The following CIMIP5 variants were observed in gnomAD, a reference collection of about 807,000 sequenced individuals.
CIMIP5 encodes ciliary microtubule inner protein 5.
At chr2:11,140,887 T>C in the CIMIP5 span, among the ~76,000 whole-genome samples, 2 of 152,110 alleles carry the variant, frequency 1.3e-5, no homozygotes, top group Admixed American at 6.6e-5. Flanking sequence ...GACAATGAGA[T>C]TGGGTAAAAA....
At chr2:11,145,432 C>T in the CIMIP5 span, 1 of 152,254 alleles carries the variant, frequency 6.6e-6, no homozygotes, top group African/African-American at 2.4e-5. Context: ...CTTCCTCCAC[C>T]TTTTAAGGAC....
At chr2:11,144,416 A>G in the CIMIP5 span, 1 of 213,514 alleles carries the variant, frequency 4.7e-6, no homozygotes, top group East Asian at 9.6e-5. Flanking sequence ...CCTGGGTTCA[A>G]ATCCAGCTTG....
At chr2:11,150,704 A>G in the CIMIP5 span, among the ~76,000 whole-genome samples, 1 of 151,784 alleles carries the variant, frequency 6.6e-6, no homozygotes, top group East Asian at 1.9e-4. Context: ...TCAACTCCAA[A>G]ATCACTAAGC....
At chr2:11,136,203 A>G in the CIMIP5 span, among the ~76,000 whole-genome samples, 45 of 152,332 alleles carry the variant, frequency 3.0e-4, no homozygotes, top group Admixed American at 1.2e-3. Context: ...AATAATTGCC[A>G]AGACCAATGT....
the CIMIP5 span, among the ~76,000 whole-genome samples, chr2:11,134,899 G>A: frequency 3.3e-5 from 5 of 152,180 alleles, no homozygotes; most frequent in South Asian, 2.1e-4. Flanking sequence ...CAGGCTGTAC[G>A]AGCATAGTCC....
chr2:11,149,797 C>T, the CIMIP5 span, among the ~76,000 whole-genome samples: 1 of 151,940 alleles, frequency 6.6e-6, no homozygotes. Flanking sequence ...GTGATTCAGC[C>T]CGTGATCCTT....
At chr2:11,142,685 G>A in the CIMIP5 span, among the ~76,000 whole-genome samples, 1 of 151,020 alleles carries the variant, frequency 6.6e-6, no homozygotes, top group Non-Finnish European at 1.5e-5. Flanking sequence ...GGGGCAGGAA[G>A]AGCTGAGGAT....
chr2:11,151,823 G>A, the CIMIP5 span, among the ~76,000 whole-genome samples: 1 of 152,212 alleles, frequency 6.6e-6, no homozygotes, highest in Non-Finnish European at 1.5e-5. Context: ...TAGTAGAGAC[G>A]GGGTTTGGCC....
the CIMIP5 span, among the ~76,000 whole-genome samples, chr2:11,151,655 G>A: frequency 6.6e-6 from 1 of 152,220 alleles, no homozygotes; most frequent in Non-Finnish European, 1.5e-5. Context: ...GGTTTTAGAC[G>A]GAGTCTCGCT....
At chr2:11,139,540 A>C in the CIMIP5 span, among the ~76,000 whole-genome samples, 2 of 152,108 alleles carry the variant, frequency 1.3e-5, no homozygotes, top group African/African-American at 4.8e-5. Flanking sequence ...TTCCTCTATC[A>C]CTCACATTGG....
At chr2:11,134,606 T>A in the CIMIP5 span, among the ~76,000 whole-genome samples, 7 of 152,210 alleles carry the variant, frequency 4.6e-5, no homozygotes, top group African/African-American at 9.7e-5. Flanking sequence ...TTTGTTAGTA[T>A]CCTGTCCTCC....
the CIMIP5 span, among the ~76,000 whole-genome samples, chr2:11,137,033 G>A: frequency 1.3e-5 from 2 of 152,330 alleles, no homozygotes; most frequent in East Asian, 3.9e-4. Flanking sequence ...GAAATACAAT[G>A]TGAGCCACAC....
chr2:11,138,134 G>A, the CIMIP5 span, among the ~76,000 whole-genome samples: 15,295 of 152,248 alleles, frequency 0.1, 2,042 homozygotes, highest in African/African-American at 0.3. Context: ...GTGAGCCACC[G>A]CGCCTGGCAG....
the CIMIP5 span, among the ~76,000 whole-genome samples, chr2:11,154,558 A>T: frequency 2.0e-5 from 3 of 152,200 alleles, no homozygotes; most frequent in African/African-American, 7.2e-5. Flanking sequence ...TACACAGGCG[A>T]TTTTCAGAGG....
chr2:11,136,933 G>A, the CIMIP5 span, among the ~76,000 whole-genome samples: 2 of 152,142 alleles, frequency 1.3e-5, no homozygotes, highest in African/African-American at 4.8e-5. Context: ...AGAAAGCCAG[G>A]GGCACAAGGA....
the CIMIP5 span, chr2:11,133,254 G>C: frequency 2.0e-6 from 3 of 1,466,562 alleles, no homozygotes; most frequent in Non-Finnish European, 2.7e-6. Flanking sequence ...TGTTCCAGGA[G>C]GAGGTTTGAG....
At chr2:11,148,707 T>A in the CIMIP5 span, among the ~76,000 whole-genome samples, 15 of 150,474 alleles carry the variant, frequency 1.0e-4, no homozygotes, top group African/African-American at 2.2e-4. Flanking sequence ...ATAATTTTTT[T>A]AAATTTTAAG....
At chr2:11,149,532 C>G in the CIMIP5 span, among the ~76,000 whole-genome samples, 1 of 151,988 alleles carries the variant, frequency 6.6e-6, no homozygotes, top group African/African-American at 2.4e-5. Flanking sequence ...ATGCTGAAAC[C>G]GCATCTCTGC....
At chr2:11,153,172 A>G in the CIMIP5 span, among the ~76,000 whole-genome samples, 9 of 152,288 alleles carry the variant, frequency 5.9e-5, no homozygotes, top group Admixed American at 3.9e-4. Context: ...TCTTCACGCA[A>G]AGTAGCCAGG....
Sources: allele counts gnomAD v4.1 joint callset (sites outside exome capture counted in the v4.1 genomes callset), GRCh38; gene constraint gnomAD v4.1.1; transcripts MANE v1.5; gene names NCBI Gene and HGNC (gene_info 2026-07-23, HGNC 2026-07-21).